PDE4D: variants seen among roughly 807,000 people sequenced by gnomAD.
The protein encoded by PDE4D is 3',5'-cyclic-AMP phosphodiesterase 4D.
In PDE4D, 24 loss-of-function variants were observed where a neutral mutation model predicts 87.4. The ratio of observed to expected loss-of-function variants is 0.27; its 90% CI spans 0.20 to 0.39. PDE4D has a LOEUF of 0.39. Ranked by LOEUF, PDE4D falls within the 10% of genes least tolerant of loss-of-function variation. PDE4D has a pLI of 1.00. For missense variants in PDE4D, 714 were observed against 1,041.0 expected (o/e 0.69, Z 4.32); for synonymous variants, 384 against 383.2 (o/e 1.00, Z -0.02).
chr5:59,170,554 T>C (rs2153472307), intron 5 of PDE4D, among the ~76,000 whole-genome samples: 1 of 152,304 alleles, frequency 6.6e-6, no homozygotes, highest in East Asian at 1.9e-4. Flanking sequence ...GTCACTAGAT[T>C]CAATGTAAAA....
At chr5:60,275,760 A>G (rs1209039872) in intron 1 of PDE4D, among the ~76,000 whole-genome samples, 1 of 151,850 alleles carries the variant, frequency 6.6e-6, no homozygotes, top group Non-Finnish European at 1.5e-5. Context: ...TTTTTAATGT[A>G]TGTATTTGGT....
At chr5:59,676,098 T>TAC (rs145556614) in intron 1 of PDE4D, among the ~76,000 whole-genome samples, 34,193 of 149,568 alleles carry the variant, frequency 0.23, 4,021 homozygotes, top group South Asian at 0.25. Flanking sequence ...TATATGTATA[T>TAC]ACACACACAC....
At chr5:60,469,801 A>T (rs887557911) in intron 1 of PDE4D, among the ~76,000 whole-genome samples, 5 of 152,170 alleles carry the variant, frequency 3.3e-5, no homozygotes, top group African/African-American at 9.7e-5. Flanking sequence ...GTATTCTCTA[A>T]CTGCTTCACT....
chr5:59,421,569 T>C (rs1284821247), intron 1 of PDE4D, among the ~76,000 whole-genome samples: 2 of 152,132 alleles, frequency 1.3e-5, no homozygotes, highest in African/African-American at 4.8e-5. Context: ...GTGTTTCTAG[T>C]TTAGATAACT....
At chr5:59,954,731 A>G (rs1758656365) in intron 3 of PDE4D, among the ~76,000 whole-genome samples, 1 of 152,280 alleles carries the variant, frequency 6.6e-6, no homozygotes, top group African/African-American at 2.4e-5. Flanking sequence ...ATTCACAAGA[A>G]TGCCATGTAT....
At chr5:60,311,275 G>T (rs2149814056) in intron 1 of PDE4D, among the ~76,000 whole-genome samples, 1 of 152,258 alleles carries the variant, frequency 6.6e-6, no homozygotes, top group South Asian at 2.1e-4. Context: ...GCCCGCCTTG[G>T]CCTCCCAAAG....
At chr5:59,593,960 G>A (rs1157479817) in intron 1 of PDE4D, among the ~76,000 whole-genome samples, 1 of 152,104 alleles carries the variant, frequency 6.6e-6, no homozygotes, top group East Asian at 1.9e-4. Flanking sequence ...GGTTCTTCCT[G>A]AGGAGAAACT....
chr5:59,104,967 C>T (rs189304860), intron 5 of PDE4D, among the ~76,000 whole-genome samples: 1 of 152,336 alleles, frequency 6.6e-6, no homozygotes, highest in African/African-American at 2.4e-5. Flanking sequence ...ACCCAAATTA[C>T]ATACTGTGAT....
rs138149523 is a variant in PDE4D at position 59,440,009 on chromosome 5, C to G, written c.456-224041G>C. On this transcript the variant is annotated intron_variant, in intron 1 of 14. Coordinates refer to ENST00000340635, the MANE Select transcript of PDE4D (RefSeq NM_001104631.2). Reference sequence around the variant, plus strand: ...TGAGAAAATAATCCAATGAAGCTAACGTCACCTAGAGCTTAACCATTAAGA... The same window carrying G: ...TGAGAAAATAATCCAATGAAGCTAAGGTCACCTAGAGCTTAACCATTAAGA... Among the ~76,000 whole-genome samples, 22 of 152,286 alleles carry G rather than the reference C, an allele frequency of 1.4e-4. No homozygotes were observed. The East Asian group carries it at 4.2e-3, about 29-fold the overall frequency.
At chr5:59,623,052 C>T (rs1830513836) in intron 1 of PDE4D, among the ~76,000 whole-genome samples, 1 of 152,086 alleles carries the variant, frequency 6.6e-6, no homozygotes, top group South Asian at 2.1e-4. Flanking sequence ...TTTTTCAGGA[C>T]AAAAATAAAC....
chr5:60,211,042 C>T (rs1358479753), intron 1 of PDE4D, among the ~76,000 whole-genome samples: 8 of 152,122 alleles, frequency 5.3e-5, no homozygotes, highest in Admixed American at 5.2e-4. Context: ...CGACAGGAGC[C>T]GGCCAAGCCC....
chr5:59,021,290 T>TC, intron 6 of PDE4D, among the ~76,000 whole-genome samples: 1 of 152,252 alleles, frequency 6.6e-6, no homozygotes, highest in East Asian at 1.9e-4. Flanking sequence ...TAGGCTATCA[T>TC]AGAGTGCTGG....
At chr5:60,282,695 G>A (rs1288493889) in intron 1 of PDE4D, among the ~76,000 whole-genome samples, 3 of 152,106 alleles carry the variant, frequency 2.0e-5, no homozygotes, top group African/African-American at 7.2e-5. Flanking sequence ...TCAAAGATCA[G>A]TTTCCCAACT....
chr5:59,095,207 A>T (rs1246534209), intron 5 of PDE4D, among the ~76,000 whole-genome samples: 2 of 151,728 alleles, frequency 1.3e-5, no homozygotes, highest in African/African-American at 4.8e-5. Context: ...CCACCATTCA[A>T]CGATCTTGTA....
rs377362808 is a variant in PDE4D, at chr5:59,326,448, A to G, written c.456-110480T>C. Among the ~76,000 whole-genome samples, 246 of 152,250 alleles carry G rather than the reference A, an allele frequency of 1.6e-3. 1 individual carries two copies. Among genetic ancestry groups the G allele is most frequent in the African/African-American group, 5.7e-3 (239 of 41,568 alleles). On this transcript the variant is annotated intron_variant, in intron 1 of 14. Coordinates refer to ENST00000340635, the MANE Select transcript of PDE4D (RefSeq NM_001104631.2). ...TCTATAGAGTAGCCCCCCCCAAGACACATATAACTATTAAATACTTAAAAT... is the reference window on the plus strand; with the variant it reads ...TCTATAGAGTAGCCCCCCCCAAGACGCATATAACTATTAAATACTTAAAAT...
rs779962704 is a variant in PDE4D, at chr5:59,768,443, G to T, written c.455+124725C>A. On this transcript the variant is annotated intron_variant, in intron 1 of 14. Coordinates refer to ENST00000340635, the MANE Select transcript of PDE4D (RefSeq NM_001104631.2). ...TTCACAAGGTCTTCGTTCAGCCACG[G>T]GTTTGGACAATGCGGATTATCCACT... 5.6e-6 allele frequency: 9 copies of T among 1,598,388 alleles called. No homozygotes were observed. In the African/African-American group the frequency reaches 1.1e-4, roughly 19 times the overall value.
At chr5:59,839,077 G>T (rs552162686) in intron 1 of PDE4D, among the ~76,000 whole-genome samples, 155 of 152,086 alleles carry the variant, frequency 1.0e-3, no homozygotes, top group Non-Finnish European at 2.0e-3. Context: ...CTGCCTGCAT[G>T]ACTGAACAGC....
At chr5:60,147,774 T>A (rs1781140161) in intron 2 of PDE4D, 1 of 456,198 alleles carries the variant, frequency 2.2e-6, no homozygotes, top group South Asian at 1.6e-5. Flanking sequence ...CTCAGTTCCT[T>A]GCTGACTGTT....
chr5:59,463,930 C>T (rs553281840), intron 1 of PDE4D, among the ~76,000 whole-genome samples: 2 of 152,318 alleles, frequency 1.3e-5, no homozygotes, highest in South Asian at 4.1e-4. Context: ...CAACCCCGTG[C>T]TCTCTGAAAT....
Sources: allele counts gnomAD v4.1 joint callset (sites outside exome capture counted in the v4.1 genomes callset), GRCh38; gene constraint gnomAD v4.1.1; transcripts MANE v1.5; gene names NCBI Gene and HGNC (gene_info 2026-07-23, HGNC 2026-07-21).